ERAP1: variants seen among roughly 807,000 people sequenced by gnomAD.
The protein encoded by ERAP1 is endoplasmic reticulum aminopeptidase 1, also known as adipocyte-derived leucine aminopeptidase.
A neutral mutation model predicts 103.7 loss-of-function variants in ERAP1; 86 were observed. The ratio of observed to expected loss-of-function variants is 0.83; its 90% CI spans 0.70 to 0.99. ERAP1 has a LOEUF of 0.99. ERAP1 is among the 50% of genes least tolerant of loss of function. ERAP1 has a pLI of 0.00. For synonymous variants in ERAP1, 398 were observed against 402.4 expected, an observed-to-expected ratio of 0.99 and a Z score of 0.13; for missense variants, 1,009 against 1,128.4, an observed-to-expected ratio of 0.89 and a Z score of 1.52.
chr5:96,918,137 G>A, the ERAP1 span: 1 of 152,322 alleles, frequency 6.6e-6, no homozygotes, highest in African/African-American at 2.4e-5. Flanking sequence ...GGTGGGGGAA[G>A]GCCAGTTCAG....
At chr5:96,887,791 C>T in the ERAP1 span, among the ~76,000 whole-genome samples, 1 of 152,162 alleles carries the variant, frequency 6.6e-6, no homozygotes, top group African/African-American at 2.4e-5. Flanking sequence ...AAATTATAGA[C>T]TTAAAAACAT....
chr5:96,802,035 G>T (rs1778067611), intron 2 of ERAP1, among the ~76,000 whole-genome samples: 1 of 151,800 alleles, frequency 6.6e-6, no homozygotes, highest in African/African-American at 2.4e-5. Flanking sequence ...ATTTATTTGG[G>T]GACCTTTTTT....
At chr5:96,817,170 C>T in the ERAP1 span, among the ~76,000 whole-genome samples, 15 of 152,150 alleles carry the variant, frequency 9.9e-5, no homozygotes, top group Non-Finnish European at 1.8e-4. Context: ...ATCAAGTCTC[C>T]CCATGGGCAA....
At chr5:96,770,597 G>A (rs1005220447), downstream of ERAP1, 8 of 1,608,592 alleles carry the variant, frequency 5.0e-6, no homozygotes, top group Non-Finnish European at 6.8e-6. Context: ...GAAGGATTCA[G>A]CAAAGGTAAA....
Position 96,775,180 on chromosome 5 carries a change from A to AAACTG in ERAP1, c.*1211_*1215dup, listed in dbSNP as rs1773952481. The AAACTG allele has an allele frequency of 1.0e-6, 1 of 985,342 alleles. No homozygotes were observed. Among genetic ancestry groups the AAACTG allele is most frequent in the Non-Finnish European group, 1.2e-6 (1 of 829,912 alleles). 61.0% of individuals were successfully genotyped at this position (985,342 alleles called of 1,614,324 possible). Reference sequence around the variant, plus strand: ...AACTCCGTTGGTTTACCATGTTAGTAAACTGTGCTTTCTATTATTATCATC... The same window carrying AAACTG: ...AACTCCGTTGGTTTACCATGTTAGTAAACTGAACTGTGCTTTCTATTATTATCATC... On this transcript the variant is annotated 3_prime_UTR_variant, in exon 19 of 19. Transcript: ENST00000443439.
At chr5:96,928,921 G>A in the ERAP1 span, among the ~76,000 whole-genome samples, 1 of 152,154 alleles carries the variant, frequency 6.6e-6, no homozygotes, top group Non-Finnish European at 1.5e-5. Flanking sequence ...TGCACTAAGA[G>A]GCAAAATGGC....
In ERAP1 at chr5:96,780,522, CA is replaced by C; in HGVS notation, c.2589-19del. On this transcript the variant is annotated intron_variant, in intron 17 of 18. Transcript: ENST00000443439. ...GTTCAAACCTAGAGAGGGAAATATT[CA>C]AAAACGGGTTGTGAAATACTTATTC... 1 of 1,581,252 alleles carries C rather than the reference CA, an allele frequency of 6.3e-7. No individual in the cohort carries two copies. Among genetic ancestry groups the C allele is most frequent in the Non-Finnish European group, 8.7e-7 (1 of 1,150,518 alleles).
the ERAP1 span, among the ~76,000 whole-genome samples, chr5:96,868,513 C>T: frequency 8.5e-5 from 13 of 152,310 alleles, no homozygotes; most frequent in African/African-American, 2.9e-4. Context: ...AAATGAGGAA[C>T]TTAAAACTTA....
the ERAP1 span, among the ~76,000 whole-genome samples, chr5:96,891,991 A>C: frequency 1.3e-5 from 2 of 152,324 alleles, no homozygotes; most frequent in East Asian, 3.9e-4. Context: ...GTTTTAAATA[A>C]ATTATTTTCT....
rs894233891 is a variant in ERAP1, at chr5:96,774,883, G to A, written c.*1513C>T. The A allele has an allele frequency of 3.2e-5, 32 of 984,972 alleles. No individual in the cohort carries two copies. The highest frequency in any genetic ancestry group is 3.0e-4 in the African/African-American group (17 of 57,162). The allele number at this position is 984,972 out of a possible 1,614,324, so 61.0% of individuals were successfully genotyped here. A position where few individuals can be genotyped will look rare whatever the true frequency, so the allele number is the denominator to read the frequency against. ...TGTCCAGAAGTCACTCTATTTTGTC[G>A]TGTATTAGGGGAACACATTTTGACA... On this transcript the variant is annotated 3_prime_UTR_variant, in exon 19 of 19. Coordinates refer to ENST00000443439, the MANE Select transcript of ERAP1 (RefSeq NM_001040458.3).
In ERAP1 at chr5:96,776,117, A is replaced by G; in HGVS notation, c.*279T>C. On this transcript the variant is annotated 3_prime_UTR_variant, in exon 19 of 19. Transcript: ENST00000443439. ...GGACACGGGTGCTTAAGCATAAACT[A>G]TAAAATGAGAAGAATAAGGTACTTT... is the stretch of plus-strand genomic sequence containing the variant. 7.2e-7 allele frequency: 1 copy of G among 1,386,448 alleles called. No homozygotes were observed. The highest frequency in any genetic ancestry group is 9.5e-7 in the Non-Finnish European group (1 of 1,053,468). The allele number at this position is 1,386,448 out of a possible 1,614,324, so 85.9% of individuals were successfully genotyped here.
chr5:96,915,601 A>T, the ERAP1 span: 1 of 646,194 alleles, frequency 1.5e-6, no homozygotes, highest in Non-Finnish European at 2.4e-6. Flanking sequence ...CATAGTTATT[A>T]ATATACATTA....
At chr5:96,818,339 T>C in the ERAP1 span, among the ~76,000 whole-genome samples, 1 of 151,952 alleles carries the variant, frequency 6.6e-6, no homozygotes, top group Non-Finnish European at 1.5e-5. Flanking sequence ...CTCCACTCTC[T>C]GGCCACCGCG....
chr5:96,912,708 T>G, the ERAP1 span: 1 of 1,606,610 alleles, frequency 6.2e-7, no homozygotes, highest in Admixed American at 1.7e-5. Context: ...AATTACCTTT[T>G]AGAGCAATAT....
chr5:96,780,068 A>G (rs1774928655), intron 18 of ERAP1, among the ~76,000 whole-genome samples: 1 of 152,226 alleles, frequency 6.6e-6, no homozygotes, highest in Non-Finnish European at 1.5e-5. Flanking sequence ...AAGAACCTAG[A>G]TTCCGGACCT....
At chr5:96,762,442 C>T (rs1768344451) in exon 20 of ERAP1, 1 of 1,097,364 alleles carries the variant, frequency 9.1e-7, no homozygotes, top group South Asian at 1.6e-5. Flanking sequence ...AATAGGGCGC[C>T]TGTTTAAAGC....
At chr5:96,765,967 C>A in intron 19 of ERAP1, 1 of 796,356 alleles carries the variant, frequency 1.3e-6, no homozygotes, top group Non-Finnish European at 2.1e-6. Context: ...GAAAGTACAA[C>A]AAATGCTGAA....
At chr5:96,883,690 T>G in the ERAP1 span, 13 of 1,176,054 alleles carry the variant, frequency 1.1e-5, no homozygotes, top group Non-Finnish European at 1.2e-6. Flanking sequence ...AGAAATCAAG[T>G]CTATTACCCC....
At chr5:96,910,173 G>A in the ERAP1 span, 1 of 160,570 alleles carries the variant, frequency 6.2e-6, no homozygotes, top group African/African-American at 2.4e-5. Context: ...GCTGAGGTGG[G>A]AGAATTGCTT....
Sources: gnomAD v4.1 joint callset for allele counts (sites outside exome capture counted in the v4.1 genomes callset) on GRCh38, gnomAD v4.1.1 for gene constraint, MANE v1.5 for transcripts, NCBI Gene and HGNC (gene_info 2026-07-23, HGNC 2026-07-21) for gene names.